Variants in PCSK5 observed in about 807,000 individuals in gnomAD.
PCSK5 encodes proprotein convertase subtilisin/kexin type 5, also known as prohormone convertase 5.
In PCSK5, 129 loss-of-function variants were observed where a neutral mutation model predicts 233.2. That is an observed-to-expected ratio of 0.55 (90% CI 0.48 to 0.64). The LOEUF is 0.64. Ranked by LOEUF, PCSK5 falls within the 30% of genes least tolerant of loss-of-function variation. PCSK5 has a pLI of 0.00. For synonymous variants in PCSK5, 825 were observed against 879.2 expected, an observed-to-expected ratio of 0.94 and a Z score of 1.09; for missense variants, 2,076 against 2,430.1, an observed-to-expected ratio of 0.85 and a Z score of 3.06.
chr9:76,101,067 AT>A (rs1445967811), intron 8 of PCSK5, among the ~76,000 whole-genome samples: 1 of 151,366 alleles, frequency 6.6e-6, no homozygotes, highest in Non-Finnish European at 1.5e-5. Context: ...ACCCGGTTCA[AT>A]TTTTTTTTCT....
At chr9:75,964,646 A>G (rs1284931288) in intron 2 of PCSK5, among the ~76,000 whole-genome samples, 2 of 152,224 alleles carry the variant, frequency 1.3e-5, no homozygotes, top group Non-Finnish European at 2.9e-5. Context: ...ATGTTGATGT[A>G]TGGGTGAGGG....
intron 17 of PCSK5, among the ~76,000 whole-genome samples, chr9:76,187,864 C>G (rs780922742): frequency 6.6e-6 from 1 of 151,866 alleles, no homozygotes; most frequent in Non-Finnish European, 1.5e-5. Flanking sequence ...TTAGATAACT[C>G]CCAGAAACAC....
At chr9:76,017,637 G>A (rs1828002705) in intron 3 of PCSK5, among the ~76,000 whole-genome samples, 9 of 152,092 alleles carry the variant, frequency 5.9e-5, no homozygotes, top group Admixed American at 5.9e-4. Flanking sequence ...TGAATTTGGT[G>A]TTGAAATGTA....
At chr9:75,956,416 G>A (rs1395806061) in intron 2 of PCSK5, among the ~76,000 whole-genome samples, 2 of 152,184 alleles carry the variant, frequency 1.3e-5, no homozygotes, top group Non-Finnish European at 2.9e-5. Flanking sequence ...AACTAGGCAA[G>A]CAATCCTGAT....
chr9:75,909,158 C>G lies in PCSK5; in HGVS notation c.192+17785C>G, dbSNP rs146074344. On this transcript the variant is annotated intron_variant, in intron 1 of 37. Coordinates refer to ENST00000674117, the MANE Select transcript of PCSK5 (RefSeq NM_001372043.1). Reference sequence around the variant, plus strand: ...TGGCCAACATGGCGAAACCCTTTCTCTACTAAAAATACAAAAATTAGCCAG... The same window carrying G: ...TGGCCAACATGGCGAAACCCTTTCTGTACTAAAAATACAAAAATTAGCCAG... 9.5e-3 allele frequency among the ~76,000 whole-genome samples: 1,390 copies of G among 145,564 alleles called. 17 individuals are homozygous for G. Among genetic ancestry groups the G allele is most frequent in the Non-Finnish European group, 0.013 (875 of 65,806 alleles).
intron 1 of PCSK5, among the ~76,000 whole-genome samples, chr9:75,931,056 T>C (rs1291448298): frequency 2.6e-5 from 4 of 152,110 alleles, no homozygotes; most frequent in Non-Finnish European, 5.9e-5. Flanking sequence ...AGTTTCCACT[T>C]GAATAAAAAA....
chr9:75,953,354 CCA>C (rs1308488740), intron 2 of PCSK5, among the ~76,000 whole-genome samples: 1 of 152,088 alleles, frequency 6.6e-6, no homozygotes, highest in Non-Finnish European at 1.5e-5. Flanking sequence ...AGCGTAGCAA[CCA>C]CCAATAAATA....
At chr9:75,949,252 A>T (rs918960797) in intron 2 of PCSK5, among the ~76,000 whole-genome samples, 1 of 151,760 alleles carries the variant, frequency 6.6e-6, no homozygotes, top group African/African-American at 2.4e-5. Context: ...CAATTTTAAG[A>T]CTAGGGTTAA....
At chr9:76,351,928 G>T (rs116706919) in intron 36 of PCSK5, among the ~76,000 whole-genome samples, 1 of 152,014 alleles carries the variant, frequency 6.6e-6, no homozygotes, top group African/African-American at 2.4e-5. Flanking sequence ...TGGGTTGGGG[G>T]TTCCCTCGCT....
At chr9:76,345,424 T>A (rs1829951581) in intron 35 of PCSK5, among the ~76,000 whole-genome samples, 1 of 151,918 alleles carries the variant, frequency 6.6e-6, no homozygotes, top group Non-Finnish European at 1.5e-5. Context: ...GTTTGTTTGT[T>A]TATTTGTTTT....
intron 7 of PCSK5, among the ~76,000 whole-genome samples, chr9:76,082,853 CTT>C (rs751407786): frequency 2.0e-5 from 3 of 152,000 alleles, no homozygotes; most frequent in Non-Finnish European, 2.9e-5. Context: ...GAAATGGTAT[CTT>C]TTTCATAGTC....
intron 2 of PCSK5, among the ~76,000 whole-genome samples, chr9:75,974,102 A>T (rs1563947966): frequency 6.6e-6 from 1 of 152,124 alleles, no homozygotes; most frequent in Non-Finnish European, 1.5e-5. Context: ...CCTCAGCCCC[A>T]GGGCTCCTCT....
intron 33 of PCSK5, among the ~76,000 whole-genome samples, chr9:76,331,373 G>A (rs1207607005): frequency 6.6e-6 from 1 of 152,122 alleles, no homozygotes; most frequent in African/African-American, 2.4e-5. Context: ...TGATAAGAGA[G>A]ATGCCGGGGG....
intron 24 of PCSK5, among the ~76,000 whole-genome samples, chr9:76,242,627 G>A (rs1014203143): frequency 2.0e-5 from 3 of 152,314 alleles, no homozygotes; most frequent in East Asian, 3.9e-4. Flanking sequence ...AGTGATAGAA[G>A]ATGAGTTTGC....
At chr9:76,279,246 C>G (rs1016632902) in intron 24 of PCSK5, among the ~76,000 whole-genome samples, 7 of 150,798 alleles carry the variant, frequency 4.6e-5, no homozygotes, top group African/African-American at 1.7e-4. Context: ...ATGAACTCAT[C>G]ATTTTTTATG....
At chr9:76,185,814 C>T (rs1824076738) in intron 17 of PCSK5, among the ~76,000 whole-genome samples, 1 of 152,128 alleles carries the variant, frequency 6.6e-6, no homozygotes, top group Non-Finnish European at 1.5e-5. Context: ...TTCATTTTCT[C>T]CTCTATAAAA....
intron 24 of PCSK5, among the ~76,000 whole-genome samples, chr9:76,242,051 A>C (rs1826446820): frequency 6.6e-6 from 1 of 152,134 alleles, no homozygotes. Context: ...AATAAAGCAG[A>C]CTTTTTATTT....
At chr9:76,206,616 C>A (rs1021513228) in intron 20 of PCSK5, among the ~76,000 whole-genome samples, 1 of 152,234 alleles carries the variant, frequency 6.6e-6, no homozygotes, top group Non-Finnish European at 1.5e-5. Flanking sequence ...AGATGAGCAT[C>A]AGCCCACCTC....
chr9:76,304,066 G>A (rs556850338), intron 28 of PCSK5, among the ~76,000 whole-genome samples: 12 of 152,262 alleles, frequency 7.9e-5, no homozygotes, highest in Middle Eastern at 3.4e-3. Context: ...CAGCTACTTG[G>A]GAGGCTGAGA....
Sources: gnomAD v4.1 joint callset for allele counts (sites outside exome capture counted in the v4.1 genomes callset) on GRCh38, gnomAD v4.1.1 for gene constraint, MANE v1.5 for transcripts, NCBI Gene and HGNC (gene_info 2026-07-23, HGNC 2026-07-21) for gene names.